MTHFD1: variants seen among roughly 807,000 people sequenced by gnomAD.
MTHFD1 encodes the protein C-1-tetrahydrofolate synthase, cytoplasmic.
A neutral mutation model predicts 110.3 loss-of-function variants in MTHFD1; 44 were observed. The observed-to-expected ratio is 0.40, with a 90% CI of 0.31 to 0.51. The LOEUF (loss-of-function observed/expected upper bound fraction) is 0.51, where lower values mean the gene tolerates loss of function less well. Among genes scored for constraint, MTHFD1 ranks in the 20% least tolerant of loss-of-function variants. MTHFD1 has a pLI of 0.60. For missense variants in MTHFD1, 909 were observed against 1,173.1 expected (o/e 0.77, Z 3.29); for synonymous variants, 402 against 428.8 (o/e 0.94, Z 0.77).
intron 1 of MTHFD1, among the ~76,000 whole-genome samples, chr14:64,390,005 AAT>A (rs2077792225): frequency 6.6e-6 from 1 of 152,220 alleles, no homozygotes. Context: ...GAGCAAATTA[AAT>A]ATGTTTATCA....
intron 25 of MTHFD1, among the ~76,000 whole-genome samples, chr14:64,454,320 C>T (rs1276188043): frequency 6.6e-6 from 1 of 152,050 alleles, no homozygotes; most frequent in Non-Finnish European, 1.5e-5. Flanking sequence ...GCCCTGTTGC[C>T]CAGGCTGGTC....
At chr14:64,428,776 A>G (rs1345020837) in intron 12 of MTHFD1, among the ~76,000 whole-genome samples, 1 of 145,028 alleles carries the variant, frequency 6.9e-6, no homozygotes, top group Non-Finnish European at 1.5e-5. Flanking sequence ...CTGGTCTTGA[A>G]CTCCTGACCT....
chr14:64,448,631 A>G, intron 23 of MTHFD1: 1 of 359,366 alleles, frequency 2.8e-6, no homozygotes, highest in Non-Finnish European at 5.3e-6. Context: ...TCATAGGCCT[A>G]TAGTGTTCCA....
intron 16 of MTHFD1, among the ~76,000 whole-genome samples, chr14:64,438,591 G>C (rs1183621865): frequency 2.0e-5 from 3 of 152,200 alleles, no homozygotes; most frequent in Non-Finnish European, 4.4e-5. Flanking sequence ...TCTGTCATCA[G>C]AATAAAAATT....
chr14:64,388,768 C>T (rs770532082), intron 1 of MTHFD1: 72 of 564,194 alleles, frequency 1.3e-4, no homozygotes, highest in Non-Finnish European at 2.2e-4. Flanking sequence ...TTGCGGCTTC[C>T]TGGAGCCCCC....
rs970133427 is a variant in MTHFD1, at chr14:64,417,997, C to T, written c.588C>T (p.His196=). Residue 196 remains histidine, a synonymous_variant, in exon 7 of 28, where the codon CAC becomes CAT. Coordinates refer to ENST00000652337, the MANE Select transcript of MTHFD1 (RefSeq NM_005956.4). The surrounding 1 kb of genome is among the most constrained non-coding windows in gnomAD (Gnocchi z 4.4). ...LWNNATVTTC[H]SKTAHLDEEV... is the part of the protein sequence containing the mutation. ...ACAATGCCACAGTGACCACCTGCCA[C>T]TCCAAGACTGCCCATCTGGATGAGG... The T allele has an allele frequency of 1.9e-6, 3 of 1,614,006 alleles. No homozygotes were observed. In the African/African-American group the frequency reaches 4.0e-5, roughly 22 times the overall value.
Position 64,400,828 on chromosome 14 carries a change from A to T in MTHFD1, c.77A>T (p.Gln26Leu). The T allele has an allele frequency of 6.2e-7, 1 of 1,613,986 alleles. No individual in the cohort carries two copies. Among genetic ancestry groups the T allele is most frequent in the Non-Finnish European group, 8.5e-7 (1 of 1,179,880 alleles). Residue 26 changes from glutamine to leucine, a missense_variant, in exon 2 of 28, where the codon CAG (glutamine) becomes CTG (leucine). Gln to Leu is a moderately radical substitution (Grantham distance 113). Coordinates refer to ENST00000652337, the MANE Select transcript of MTHFD1 (RefSeq NM_005956.4). ...GCGAGACTGAAAAATCAAGTCACTC[A>T]GTTGAAGGAGCAAGTACCTGGTTTC... is the stretch of plus-strand genomic sequence containing the variant. ...IRARLKNQVT[Q>L]LKEQVPGFTP... is the part of the protein sequence containing the mutation.
chr14:64,442,388 G>T lies in MTHFD1; in HGVS notation c.2122G>T (p.Gly708Trp). 2 of 1,614,146 alleles carry T rather than the reference G, an allele frequency of 1.2e-6. No homozygotes were observed. The highest frequency in any genetic ancestry group is 1.7e-6 in the Non-Finnish European group (2 of 1,180,010). ...CACTGTCAGGGCTCTCAAGATGCACGGGGGCGGCCCCACGGTGAGTGGTGG... is the reference window on the plus strand; with the variant it reads ...CACTGTCAGGGCTCTCAAGATGCACTGGGGCGGCCCCACGGTGAGTGGTGG... ...VATVRALKMH[G>W]GGPTVTAGLP... Residue 708 changes from glycine to tryptophan, a missense_variant, in exon 21 of 28, where the codon GGG becomes TGG. By Grantham distance (184) the Gly-to-Trp change is radical. This residue lies in a region of MTHFD1 where 482 missense variants were observed against 646.0 expected (regional missense o/e 0.75). Transcript: ENST00000652337.
At position 64,442,100 on chromosome 14, in the gene MTHFD1, A is replaced by G. The variant is rs762835554; in HGVS notation, c.1931A>G (p.His644Arg). Residue 644 changes from histidine (H) to arginine (R), a missense_variant, in exon 20 of 28, where the codon CAT (histidine) becomes CGT (arginine). His to Arg is a conservative substitution (Grantham distance 29, BLOSUM62 0). Transcript: ENST00000652337. The stretch of plus-strand genomic sequence containing the variant: ...GCTGGCCCGTTTGCCAACATCGCAC[A>G]TGGCAATTCCTCCATCATTGCAGAC... ...VHAGPFANIA[H>R]GNSSIIADRI... is the part of the protein sequence containing the mutation. 6.2e-6 allele frequency: 10 copies of G among 1,614,060 alleles called. No individual in the cohort carries two copies. Among genetic ancestry groups the G allele is most frequent in the Admixed American group, 1.7e-5 (1 of 59,998 alleles).
chr14:64,398,012 T>G (rs1188433066), intron 1 of MTHFD1, among the ~76,000 whole-genome samples: 4 of 152,042 alleles, frequency 2.6e-5, no homozygotes, highest in African/African-American at 4.8e-5. Flanking sequence ...TGGGTGACTG[T>G]GTAGGGGTAT....
intron 1 of MTHFD1, among the ~76,000 whole-genome samples, chr14:64,392,055 T>G (rs1172366877): frequency 6.6e-6 from 1 of 151,892 alleles, no homozygotes; most frequent in Non-Finnish European, 1.5e-5. Flanking sequence ...AATATGGGAG[T>G]CATAGTCTTT....
In MTHFD1 at chr14:64,424,818, A is replaced by C. The variant is rs754994619; in HGVS notation, c.742A>C (p.Asn248His). 1.2e-5 allele frequency: 19 copies of C among 1,614,146 alleles called. No homozygotes were observed. Among genetic ancestry groups the C allele is most frequent in the Non-Finnish European group, 1.6e-5 (19 of 1,180,036 alleles). ...CACTTGACCAGATGATAAAAAACCA[A>C]ATGGGAGAAAAGTTGTGGGTGATGT... ...INYVPDDKKPNGRKVVGDVAY... is the reference protein window; with the variant it reads ...INYVPDDKKPHGRKVVGDVAY... Residue 248 changes from asparagine to histidine, a missense_variant, in exon 9 of 28, where the codon AAT becomes CAT. By Grantham distance (68) the Asn-to-His change is moderately conservative. Transcript: ENST00000652337.
Position 64,429,261 on chromosome 14 carries a change from A to AACATATATATATAT in MTHFD1, c.1265-922_1265-921insCATATATATATATA, listed in dbSNP as rs11158541. ...GACAGTATGAGACTCTGTCTAAAAAAATATATATCTGATTTACATTTATTG... is the reference window on the plus strand; with the variant it reads ...GACAGTATGAGACTCTGTCTAAAAAAACATATATATATATATATATATCTGATTTACATTTATTG... On this transcript the variant is annotated intron_variant, in intron 12 of 27. Transcript: ENST00000652337. Among the ~76,000 whole-genome samples the AACATATATATATAT allele has an allele frequency of 4.2e-4, 46 of 108,236 alleles. 6 individuals carry two copies. The East Asian group carries it at 4.5e-3, about 11-fold the overall frequency. The allele number at this position is 108,236 out of a possible 152,430, so 71.0% of individuals were successfully genotyped here.
chr14:64,448,118 A>G (rs1480615025), intron 22 of MTHFD1, 99 bp from the exon 23 acceptor site: 3 of 827,820 alleles, frequency 3.6e-6, no homozygotes, highest in Non-Finnish European at 4.1e-6. Context: ...CCTGATAGTG[A>G]GTGGCTGCTG....
intron 2 of MTHFD1, among the ~76,000 whole-genome samples, chr14:64,402,017 T>A (rs1017808798): frequency 6.6e-6 from 1 of 152,204 alleles, no homozygotes; most frequent in Admixed American, 6.6e-5. Context: ...AGAATTTTTT[T>A]AACAGTCCTT....
intron 1 of MTHFD1, among the ~76,000 whole-genome samples, chr14:64,398,923 G>A (rs2077877117): frequency 6.6e-6 from 1 of 152,208 alleles, no homozygotes; most frequent in Admixed American, 6.5e-5. Context: ...TTGAGAAGTT[G>A]TATGTTGGTA....
At chr14:64,439,620 G>C (rs1399103243) in intron 17 of MTHFD1, among the ~76,000 whole-genome samples, 1 of 152,152 alleles carries the variant, frequency 6.6e-6, no homozygotes, top group Non-Finnish European at 1.5e-5. Context: ...ACAACTCAGG[G>C]CTGGGCGTGG....
intron 11 of MTHFD1, 57 bp downstream of exon 11, chr14:64,426,249 C>T (rs1010098242): frequency 1.4e-5 from 23 of 1,597,308 alleles, no homozygotes; most frequent in African/African-American, 1.3e-4. Flanking sequence ...GATACTAAGG[C>T]GTTGCATTTG....
At chr14:64,397,176 TATATATATATATATAAAA>T (rs1458366031) in intron 1 of MTHFD1, among the ~76,000 whole-genome samples, 6 of 17,762 alleles carry the variant, frequency 3.4e-4, no homozygotes, top group Admixed American at 8.2e-4. Flanking sequence ...TATATATATA[TATATATATATATATAAAA>T]AACAGTAATC....
Sources: gnomAD v4.1 joint callset for allele counts (sites outside exome capture counted in the v4.1 genomes callset) on GRCh38, gnomAD v4.1.1 for gene constraint, gnomAD v4.1.1 regional missense constraint, Gnocchi (gnomAD v3.1) non-coding constraint, MANE v1.5 for transcripts, NCBI Gene and HGNC (gene_info 2026-07-23, HGNC 2026-07-21) for gene names.